The following FRMD3 variants were observed in gnomAD, a reference collection of about 807,000 sequenced individuals.
FRMD3 encodes the protein FERM domain containing 3, also known as FERM domain-containing protein 3.
Under a neutral mutation model 70.2 loss-of-function variants are expected in FRMD3, and 33 were observed. The ratio of observed to expected loss-of-function variants is 0.47; its 90% CI spans 0.36 to 0.63. The LOEUF is 0.63. Among genes scored for constraint, FRMD3 ranks in the 20% least tolerant of loss-of-function variants. FRMD3 has a pLI of 0.00. For missense variants in FRMD3, 632 were observed against 711.4 expected, an observed-to-expected ratio of 0.89 and a Z score of 1.27; for synonymous variants, 279 against 255.9, an observed-to-expected ratio of 1.09 and a Z score of -0.86.
chr9:83,576,556 AC>A, the FRMD3 span, among the ~76,000 whole-genome samples: 3 of 151,998 alleles, frequency 2.0e-5, no homozygotes, highest in African/African-American at 7.2e-5. Context: ...TAAGCCTACT[AC>A]CCACGAGTTA....
intron 1 of FRMD3, among the ~76,000 whole-genome samples, chr9:83,437,778 T>A (rs1827178503): frequency 1.3e-5 from 2 of 152,206 alleles, no homozygotes; most frequent in South Asian, 4.1e-4. Context: ...GGGACACATG[T>A]GCACCTTCCT....
chr9:83,351,999 T>C (rs1414874765), intron 3 of FRMD3, among the ~76,000 whole-genome samples: 1 of 152,208 alleles, frequency 6.6e-6, no homozygotes, highest in Non-Finnish European at 1.5e-5. Flanking sequence ...CGCTATATCC[T>C]GCCCATCCCT....
At chr9:83,377,382 C>T (rs146005850) in intron 2 of FRMD3, among the ~76,000 whole-genome samples, 3 of 152,138 alleles carry the variant, frequency 2.0e-5, no homozygotes, top group Non-Finnish European at 4.4e-5. Flanking sequence ...CAGTATTTTC[C>T]GTGATGTTTT....
At chr9:83,459,479 C>T (rs1827910356) in intron 1 of FRMD3, among the ~76,000 whole-genome samples, 1 of 152,236 alleles carries the variant, frequency 6.6e-6, no homozygotes, top group South Asian at 2.1e-4. Context: ...CTTACATGTA[C>T]CTCGCAGCCT....
chr9:83,527,680 A>C (rs1829713900), intron 1 of FRMD3, among the ~76,000 whole-genome samples: 1 of 152,140 alleles, frequency 6.6e-6, no homozygotes, highest in African/African-American at 2.4e-5. Flanking sequence ...TTTGAACAAG[A>C]GCACAGAAAA....
chr9:83,350,333 C>T (rs1275027936), intron 3 of FRMD3, among the ~76,000 whole-genome samples: 1 of 152,058 alleles, frequency 6.6e-6, no homozygotes, highest in Non-Finnish European at 1.5e-5. Flanking sequence ...AAAATAAACA[C>T]TGTTGGCCGG....
chr9:83,349,442 C>T (rs1006879435), intron 4 of FRMD3, among the ~76,000 whole-genome samples: 1 of 152,176 alleles, frequency 6.6e-6, no homozygotes, highest in East Asian at 1.9e-4. Context: ...AGAACACCTC[C>T]CCCATCATAG....
In FRMD3 at chr9:83,391,723, C is replaced by T. The variant is rs148107648; in HGVS notation, c.148-2015G>A. Among the ~76,000 whole-genome samples the T allele has an allele frequency of 8.2e-3, 1,242 of 152,228 alleles. 14 individuals are homozygous for T. The highest frequency in any genetic ancestry group is 0.027 in the African/African-American group (1,109 of 41,512). ...GAGAAGAAAATGCTGCTGCAGACAACGCAGTGATTAGAGCAGGCAACCGTG... is the reference window on the plus strand; with the variant it reads ...GAGAAGAAAATGCTGCTGCAGACAATGCAGTGATTAGAGCAGGCAACCGTG... On this transcript the variant is annotated intron_variant, in intron 1 of 13. Coordinates refer to ENST00000304195, the MANE Select transcript of FRMD3 (RefSeq NM_174938.6).
chr9:83,440,515 A>C (rs1827263393), intron 1 of FRMD3, among the ~76,000 whole-genome samples: 2 of 152,318 alleles, frequency 1.3e-5, no homozygotes, highest in Non-Finnish European at 2.9e-5. Context: ...CAGGGCCATC[A>C]GCAATTGTCA....
intron 1 of FRMD3, among the ~76,000 whole-genome samples, chr9:83,412,830 A>G (rs1334245275): frequency 6.6e-6 from 1 of 152,092 alleles, no homozygotes; most frequent in Non-Finnish European, 1.5e-5. Flanking sequence ...CCTCATCTCT[A>G]CCAAAAATAC....
the FRMD3 span, among the ~76,000 whole-genome samples, chr9:83,546,469 G>A: frequency 6.6e-6 from 1 of 152,156 alleles, no homozygotes; most frequent in Non-Finnish European, 1.5e-5. Flanking sequence ...AACACTAAGG[G>A]AATTTGATGC....
At chr9:83,339,419 G>A (rs1823683973) in intron 5 of FRMD3, among the ~76,000 whole-genome samples, 1 of 152,162 alleles carries the variant, frequency 6.6e-6, no homozygotes, top group African/African-American at 2.4e-5. Flanking sequence ...CATACAACTG[G>A]AGGCCCTGCG....
chr9:83,490,786 TCTCTCTCTCTCTCACACACA>T (rs1325587764), intron 1 of FRMD3, among the ~76,000 whole-genome samples: 3 of 128,350 alleles, frequency 2.3e-5, no homozygotes, highest in African/African-American at 9.4e-5. Flanking sequence ...TCTCTCTCTC[TCTCTCTCTCTCTCACACACA>T]CACACACACA....
chr9:83,444,128 G>A (rs530913682), intron 1 of FRMD3, among the ~76,000 whole-genome samples: 1 of 152,348 alleles, frequency 6.6e-6, no homozygotes, highest in East Asian at 1.9e-4. Context: ...ACAGGCAACT[G>A]TAGCCACAGT....
chr9:83,256,754 T>C (rs1320789999), intron 13 of FRMD3, among the ~76,000 whole-genome samples: 1 of 150,606 alleles, frequency 6.6e-6, no homozygotes, highest in African/African-American at 2.4e-5. Flanking sequence ...AACAAACATA[T>C]GAAAAAAAAA....
Position 83,311,869 on chromosome 9 carries a change from T to G in FRMD3, c.773+18A>C. The G allele has an allele frequency of 6.4e-7, 1 of 1,561,948 alleles. No individual in the cohort carries two copies. The highest frequency in any genetic ancestry group is 8.8e-7 in the Non-Finnish European group (1 of 1,136,530). ...GATTAAGAAAAATGGAAAGCCAGTT[T>G]TCCAAAGAGGCACTTACCATTTTAT... On this transcript the variant is annotated intron_variant, in intron 8 of 13. Transcript: ENST00000304195.
intron 2 of FRMD3, among the ~76,000 whole-genome samples, chr9:83,389,163 G>A (rs556007028): frequency 1.3e-5 from 2 of 152,082 alleles, no homozygotes; most frequent in South Asian, 4.2e-4. Context: ...GCCAGCACTG[G>A]TCTTGAACTC....
chr9:83,373,364 C>G (rs1825041301), intron 2 of FRMD3, among the ~76,000 whole-genome samples: 1 of 152,198 alleles, frequency 6.6e-6, no homozygotes, highest in South Asian at 2.1e-4. Flanking sequence ...GCATCAGCAT[C>G]CAGTCCTGCT....
intron 1 of FRMD3, among the ~76,000 whole-genome samples, chr9:83,520,643 G>A (rs1829550342): frequency 6.6e-6 from 1 of 152,176 alleles, no homozygotes; most frequent in South Asian, 2.1e-4. Context: ...CTACCAAACT[G>A]GACAGCACAG....
Sources: allele counts gnomAD v4.1 joint callset (sites outside exome capture counted in the v4.1 genomes callset), GRCh38; gene constraint gnomAD v4.1.1; transcripts MANE v1.5; gene names NCBI Gene and HGNC (gene_info 2026-07-23, HGNC 2026-07-21).